UTRN: variants seen among roughly 807,000 people sequenced by gnomAD.
UTRN encodes the protein dystrophin-related protein 1.
A neutral mutation model predicts 463.9 loss-of-function variants in UTRN; 283 were observed. The ratio of observed to expected loss-of-function variants is 0.61; its 90% CI spans 0.55 to 0.67. The LOEUF (loss-of-function observed/expected upper bound fraction) is 0.67, where lower values mean the gene tolerates loss of function less well. Among genes scored for constraint, UTRN ranks in the 30% least tolerant of loss-of-function variants. UTRN has a pLI of 0.00. For missense variants in UTRN, 3,922 were observed against 4,084.3 expected, an observed-to-expected ratio of 0.96 and a Z score of 1.08; for synonymous variants, 1,442 against 1,431.5, an observed-to-expected ratio of 1.01 and a Z score of -0.17.
At chr6:144,534,271 T>C (rs1797333906) in intron 43 of UTRN, among the ~76,000 whole-genome samples, 1 of 152,178 alleles carries the variant, frequency 6.6e-6, no homozygotes, top group African/African-American at 2.4e-5. Context: ...CATTGCCTTG[T>C]TTAGGAGTCA....
intron 2 of UTRN, among the ~76,000 whole-genome samples, chr6:144,315,411 T>C (rs942619187): frequency 6.6e-6 from 1 of 151,828 alleles, no homozygotes; most frequent in Non-Finnish European, 1.5e-5. Flanking sequence ...GGAAGGAAGG[T>C]TCGGGTGCTT....
intron 71 of UTRN, 54 bp downstream of exon 71, chr6:144,836,595 C>T: frequency 6.3e-7 from 1 of 1,598,010 alleles, no homozygotes; most frequent in Non-Finnish European, 8.5e-7. Flanking sequence ...GTCCACTGCC[C>T]TGGGAGATGA....
chr6:144,532,123 C>A (rs1452029582), intron 42 of UTRN, among the ~76,000 whole-genome samples: 2 of 151,324 alleles, frequency 1.3e-5, no homozygotes, highest in East Asian at 3.9e-4. Context: ...GGTGACAGAG[C>A]AATACTGTGT....
chr6:144,297,380 T>G (rs1804821541), intron 2 of UTRN, among the ~76,000 whole-genome samples: 1 of 152,246 alleles, frequency 6.6e-6, no homozygotes. Flanking sequence ...AGATTCAATT[T>G]TATGAAAATT....
intron 73 of UTRN, among the ~76,000 whole-genome samples, chr6:144,842,253 C>T (rs1781650932): frequency 6.6e-6 from 1 of 151,332 alleles, no homozygotes; most frequent in African/African-American, 2.4e-5. Flanking sequence ...TTTAAAATAC[C>T]ATCATTAGCA....
At chr6:144,672,763 C>G (rs116851119) in intron 51 of UTRN, among the ~76,000 whole-genome samples, 88,244 of 151,044 alleles carry the variant, frequency 0.58, 27,367 homozygotes, top group East Asian at 0.86. Context: ...GTGACCTTTC[C>G]TTGTCTGTTT....
chr6:144,345,548 G>A (rs545526143), intron 2 of UTRN, among the ~76,000 whole-genome samples: 2 of 152,270 alleles, frequency 1.3e-5, no homozygotes, highest in East Asian at 1.9e-4. Flanking sequence ...GGTGGCATGT[G>A]CCTGTGGTCC....
intron 32 of UTRN, 110 bp downstream of exon 32, chr6:144,491,212 C>T: frequency 9.7e-7 from 1 of 1,032,802 alleles, no homozygotes. Flanking sequence ...CTACAGTGTG[C>T]TAAACATAAG....
intron 23 of UTRN, among the ~76,000 whole-genome samples, chr6:144,470,631 C>T (rs974411035): frequency 6.6e-6 from 1 of 152,068 alleles, no homozygotes; most frequent in Non-Finnish European, 1.5e-5. Flanking sequence ...GGGTGGCGGC[C>T]GGGCAGAGGC....
chr6:144,365,968 C>T (rs1351720164), intron 2 of UTRN, among the ~76,000 whole-genome samples: 2 of 152,198 alleles, frequency 1.3e-5, no homozygotes, highest in Admixed American at 6.5e-5. Context: ...GAACTCCTGA[C>T]CTCAGGTGTT....
At chr6:144,429,399 A>G (rs141952160) in intron 8 of UTRN, among the ~76,000 whole-genome samples, 182 bp from the exon 9 acceptor site, 2 of 152,300 alleles carry the variant, frequency 1.3e-5, no homozygotes, top group East Asian at 3.9e-4. Flanking sequence ...CTGAACAAAA[A>G]TAAGTAATCC....
intron 51 of UTRN, among the ~76,000 whole-genome samples, chr6:144,589,689 G>A (rs1306395325): frequency 6.6e-6 from 1 of 152,086 alleles, no homozygotes; most frequent in Non-Finnish European, 1.5e-5. Context: ...AATTTCACCT[G>A]CAGTCTCCTT....
chr6:144,327,183 G>T (rs1776026726), intron 2 of UTRN, among the ~76,000 whole-genome samples: 1 of 152,124 alleles, frequency 6.6e-6, no homozygotes, highest in Non-Finnish European at 1.5e-5. Context: ...AAACAGGGAG[G>T]GGGTGAAGGA....
At chr6:144,340,603 C>G (rs1777069407) in intron 2 of UTRN, among the ~76,000 whole-genome samples, 1 of 152,116 alleles carries the variant, frequency 6.6e-6, no homozygotes, top group African/African-American at 2.4e-5. Flanking sequence ...TGAGAGTAGA[C>G]CTAGGCTGGC....
chr6:144,676,986 T>C (rs1199279000), intron 51 of UTRN, among the ~76,000 whole-genome samples: 1 of 152,188 alleles, frequency 6.6e-6, no homozygotes, highest in Non-Finnish European at 1.5e-5. Context: ...AACAGTTGTA[T>C]AAGATTTCAA....
chr6:144,399,148 C>A (rs978470979), intron 2 of UTRN, among the ~76,000 whole-genome samples: 13 of 151,970 alleles, frequency 8.6e-5, no homozygotes, highest in South Asian at 2.1e-4. Flanking sequence ...ATCCTGTTGG[C>A]TTTGTTTCTT....
intron 1 of UTRN, 52 bp downstream of exon 1, chr6:144,285,873 C>G (rs929310867): frequency 2.6e-5 from 4 of 152,134 alleles, no homozygotes; most frequent in Non-Finnish European, 5.9e-5. Context: ...CTACAGCCCC[C>G]GAGGGAATGG....
chr6:144,846,726 C>T lies in UTRN; in HGVS notation c.10271-79C>T, dbSNP rs370638829. 7.7e-5 allele frequency: 122 copies of T among 1,578,454 alleles called. 1 individual carries two copies. In the African/African-American group the frequency reaches 1.0e-3, roughly 13 times the overall value. On this transcript the variant is annotated intron_variant, in intron 73 of 74. Coordinates refer to ENST00000367545, the MANE Select transcript of UTRN (RefSeq NM_007124.3). ...ACCCTATGTAGAGTGATACTTTCCA[C>T]GCATTTGCATGCCTGAGAGTTGGAA...
intron 1 of UTRN, among the ~76,000 whole-genome samples, chr6:144,291,191 C>A (rs1319028383): frequency 1.3e-5 from 2 of 152,194 alleles, no homozygotes; most frequent in African/African-American, 4.8e-5. Context: ...TCTCCATGGT[C>A]CTATCCCTGG....
Sources: allele counts gnomAD v4.1 joint callset (sites outside exome capture counted in the v4.1 genomes callset), GRCh38; gene constraint gnomAD v4.1.1; transcripts MANE v1.5; gene names NCBI Gene and HGNC (gene_info 2026-07-23, HGNC 2026-07-21).